Variants in ADA2 observed in about 807,000 individuals in gnomAD.
The protein encoded by ADA2 is adenosine deaminase 2.
In ADA2, 29 loss-of-function variants were observed where a neutral mutation model predicts 44.2. The observed-to-expected ratio is 0.66, with a 90% confidence interval of 0.49 to 0.89. The LOEUF is 0.89. Among genes scored for constraint, ADA2 ranks in the 40% least tolerant of loss-of-function variants. The probability of loss-of-function intolerance (pLI) is 0.00; values close to 1 mark genes in which losing one functional copy is unlikely to be tolerated. For synonymous variants in ADA2, 215 were observed against 234.9 expected (o/e 0.92, Z 0.77); for missense variants, 637 against 644.8 (o/e 0.99, Z 0.13).
intron 4 of ADA2, among the ~76,000 whole-genome samples, chr22:17,196,082 C>T (rs562082813): frequency 6.6e-6 from 1 of 151,930 alleles, no homozygotes; most frequent in Non-Finnish European, 1.5e-5. Flanking sequence ...TGCAATAGCT[C>T]ACACCTGTAA....
intron 5 of ADA2, among the ~76,000 whole-genome samples, chr22:17,190,673 C>G (rs1050929384): frequency 6.6e-6 from 1 of 152,198 alleles, no homozygotes; most frequent in Non-Finnish European, 1.5e-5. Flanking sequence ...TAAAGCCTTC[C>G]TGGCCTGCCC....
intron 4 of ADA2, among the ~76,000 whole-genome samples, chr22:17,194,171 C>A (rs1443473479): frequency 6.6e-6 from 1 of 152,196 alleles, no homozygotes; most frequent in African/African-American, 2.4e-5. Context: ...TCAAGAGCTG[C>A]CTGGGGGCGG....
At position 17,199,649 on chromosome 22, in the gene ADA2, T is replaced by C. The variant is rs896397668; in HGVS notation, c.753+3914A>G. On this transcript the variant is annotated intron_variant, in intron 4 of 9. Coordinates refer to ENST00000399837, the MANE Select transcript of ADA2 (RefSeq NM_001282225.2). The stretch of plus-strand genomic sequence containing the variant: ...TCGCCATTTGAGGTGGGCGTGGCTA[T>C]TAGGACGCTCAGAGAGCCCAGCGCG... The C allele has an allele frequency of 3.7e-6, 6 of 1,612,992 alleles. No homozygotes were observed. In the African/African-American group the frequency reaches 4.0e-5, roughly 11 times the overall value.
intron 1 of ADA2, among the ~76,000 whole-genome samples, chr22:17,215,543 T>C (rs956386457): frequency 2.0e-4 from 30 of 149,156 alleles, no homozygotes; most frequent in East Asian, 1.2e-3. Flanking sequence ...GAGGCGGAGG[T>C]TGCAGTGAGC....
intron 2 of ADA2, among the ~76,000 whole-genome samples, chr22:17,209,063 T>C (rs2062388373): frequency 6.6e-6 from 1 of 152,080 alleles, no homozygotes; most frequent in East Asian, 1.9e-4. Flanking sequence ...GGATGCTATA[T>C]CACATTGTAT....
At chr22:17,189,907 T>TA in intron 6 of ADA2, 35 bp downstream of exon 6, 1 of 1,510,576 alleles carries the variant, frequency 6.6e-7, no homozygotes, top group Middle Eastern at 1.7e-4. Flanking sequence ...CATGCCCCCT[T>TA]AACAGGCAGC....
At chr22:17,183,728 C>T (rs2123609843) in intron 7 of ADA2, among the ~76,000 whole-genome samples, 1 of 152,130 alleles carries the variant, frequency 6.6e-6, no homozygotes, top group Middle Eastern at 3.4e-3. Context: ...TCCCAAAGTG[C>T]TGTGATTATA....
At chr22:17,191,652 A>T in intron 5 of ADA2, 31 bp downstream of exon 5, 1 of 1,609,034 alleles carries the variant, frequency 6.2e-7, no homozygotes, top group South Asian at 1.1e-5. Context: ...CAGCCTCCCA[A>T]CCCGAGCTTT....
chr22:17,186,135 G>A (rs781337444), intron 7 of ADA2, among the ~76,000 whole-genome samples: 19 of 152,246 alleles, frequency 1.2e-4, no homozygotes, highest in Admixed American at 9.8e-4. Flanking sequence ...ACGATAATGC[G>A]GGACAGAACA....
chr22:17,195,761 CT>C (rs59967054), intron 4 of ADA2, among the ~76,000 whole-genome samples: 4,591 of 128,726 alleles, frequency 0.036, 157 homozygotes, highest in East Asian at 0.21. Context: ...AATTTCTTTC[CT>C]TTTTTTTTTT....
chr22:17,181,687 C>A, intron 9 of ADA2, 111 bp from the exon 10 acceptor site: 1 of 1,081,642 alleles, frequency 9.2e-7, no homozygotes, highest in Non-Finnish European at 1.4e-6. Flanking sequence ...AGGCCAGCAG[C>A]AAGGACTAAA....
Position 17,207,258 on chromosome 22 carries a change from C to T in ADA2, c.355G>A (p.Val119Met), listed in dbSNP as rs769161033. 5.6e-6 allele frequency: 9 copies of T among 1,610,378 alleles called. No homozygotes were observed. Among genetic ancestry groups the T allele is most frequent in the East Asian group, 2.2e-5 (1 of 44,794 alleles). Residue 119 changes from valine (V) to methionine (M), a missense_variant, in exon 3 of 10, where the codon GTG becomes ATG. Physicochemically the swap from Val to Met is conservative, Grantham distance 21. Coordinates refer to ENST00000399837, the MANE Select transcript of ADA2 (RefSeq NM_001282225.2). ...AALHLHDIGIVTMDWLVRNVT... is the reference protein window; with the variant it reads ...AALHLHDIGIMTMDWLVRNVT... ...TTCCTCACCAGCCAGTCCATAGTCA[C>T]GATGCCAATGTCATGGAGGTGCAAG...
intron 4 of ADA2, 47 bp from the exon 5 acceptor site, chr22:17,191,857 C>G: frequency 6.4e-7 from 1 of 1,572,732 alleles, no homozygotes; most frequent in Non-Finnish European, 8.6e-7. Flanking sequence ...CAGTGAGAGA[C>G]GCCACCCCCT....
rs764650371 is a variant in ADA2 at position 17,208,316 on chromosome 22, C to A, written c.323-1026G>T. On this transcript the variant is annotated intron_variant, in intron 2 of 9. Coordinates refer to ENST00000399837, the MANE Select transcript of ADA2 (RefSeq NM_001282225.2). The stretch of plus-strand genomic sequence containing the variant: ...GCATGTGCCTGTAATCCCAGCTACT[C>A]GGGAGGCTGAGGCAGGAGAATTGCT... 6.6e-5 allele frequency among the ~76,000 whole-genome samples: 10 copies of A among 150,444 alleles called. No individual in the cohort carries two copies. In the East Asian group the frequency reaches 2.0e-3, roughly 30 times the overall value.
chr22:17,209,696 A>T lies in ADA2; in HGVS notation c.-19T>A. 1 of 1,604,268 alleles carries T rather than the reference A, an allele frequency of 6.2e-7. No homozygotes were observed. Among genetic ancestry groups the T allele is most frequent in the Non-Finnish European group, 8.5e-7 (1 of 1,176,040 alleles). ...CCAACATCGGGATGCCTGGACTAGG[A>T]AAGGGCTCAGATGGAGACTCCACGG... On this transcript the variant is annotated 5_prime_UTR_variant, in exon 2 of 10. Coordinates refer to ENST00000399837, the MANE Select transcript of ADA2 (RefSeq NM_001282225.2).
chr22:17,187,455 A>G (rs1292798444), intron 7 of ADA2, among the ~76,000 whole-genome samples: 1 of 151,574 alleles, frequency 6.6e-6, no homozygotes, highest in Non-Finnish European at 1.5e-5. Flanking sequence ...TGCCTGGCTA[A>G]TTTTTGTATT....
intron 1 of ADA2, among the ~76,000 whole-genome samples, chr22:17,218,230 G>C (rs1054980208): frequency 3.9e-5 from 6 of 152,122 alleles, no homozygotes; most frequent in African/African-American, 1.4e-4. Context: ...AAATAGAGGT[G>C]CAAGGATATG....
At chr22:17,213,494 A>G (rs2062438304) in intron 1 of ADA2, 1 of 232,282 alleles carries the variant, frequency 4.3e-6, no homozygotes. Context: ...CATCTACCGA[A>G]GCACCGGGGA....
At position 17,181,816 on chromosome 22, in the gene ADA2, T is replaced by C. The variant is rs1464465747; in HGVS notation, c.1442+4A>G. 1.2e-6 allele frequency: 2 copies of C among 1,612,120 alleles called. No homozygotes were observed. The highest frequency in any genetic ancestry group is 1.7e-6 in the Non-Finnish European group (2 of 1,178,990). ...GGGGACCTGGGAGGACACAGGACAC[T>C]CACTTGATAGAGTTCATGGCCAGCT... On this transcript the variant is annotated splice_donor_region_variant and intron_variant, in intron 9 of 9. Coordinates refer to ENST00000399837, the MANE Select transcript of ADA2 (RefSeq NM_001282225.2).
Sources: gnomAD v4.1 joint callset for allele counts (sites outside exome capture counted in the v4.1 genomes callset) on GRCh38, gnomAD v4.1.1 for gene constraint, MANE v1.5 for transcripts, NCBI Gene and HGNC (gene_info 2026-07-23, HGNC 2026-07-21) for gene names.